The following BMP7 variants were observed in gnomAD, a reference collection of about 807,000 sequenced individuals.
BMP7 encodes osteogenic protein 1.
A neutral mutation model predicts 41.2 loss-of-function variants in BMP7; 12 were observed. The ratio of observed to expected loss-of-function variants is 0.29; its 90% confidence interval spans 0.19 to 0.47. BMP7 has a LOEUF of 0.47. BMP7 is among the 20% of genes least tolerant of loss of function. BMP7 has a pLI of 0.99. For synonymous variants in BMP7, 248 were observed against 250.0 expected (o/e 0.99, Z 0.07); for missense variants, 467 against 606.0 (o/e 0.77, Z 2.41).
At chr20:57,229,893 G>T (rs2066022329) in intron 1 of BMP7, among the ~76,000 whole-genome samples, 1 of 152,182 alleles carries the variant, frequency 6.6e-6, no homozygotes, top group African/African-American at 2.4e-5. Context: ...AAACAATCTG[G>T]TTTAAACCTT....
chr20:57,192,498 T>G (rs551935500), intron 3 of BMP7, among the ~76,000 whole-genome samples: 2 of 151,590 alleles, frequency 1.3e-5, no homozygotes, highest in African/African-American at 4.8e-5. Flanking sequence ...TCAGATTTAG[T>G]CAGTGCGCGT....
intron 1 of BMP7, among the ~76,000 whole-genome samples, chr20:57,249,887 A>C (rs2066105313): frequency 6.6e-6 from 1 of 151,916 alleles, no homozygotes; most frequent in Non-Finnish European, 1.5e-5. Context: ...CCATGATCTC[A>C]CTCAATCCTA....
chr20:57,241,775 T>C (rs1342658597), intron 1 of BMP7, among the ~76,000 whole-genome samples: 1 of 152,182 alleles, frequency 6.6e-6, no homozygotes, highest in African/African-American at 2.4e-5. Context: ...AGGGAATGAT[T>C]GTACCACAAG....
intron 1 of BMP7, among the ~76,000 whole-genome samples, chr20:57,234,403 T>A (rs2066040188): frequency 6.6e-6 from 1 of 152,218 alleles, no homozygotes; most frequent in African/African-American, 2.4e-5. Flanking sequence ...CACGGAGGAC[T>A]GAGGTTGGAA....
At position 57,250,538 on chromosome 20, in the gene BMP7, C is replaced by CAA. The variant is rs57036984; in HGVS notation, c.418+15165_418+15166dup. Among the ~76,000 whole-genome samples, 176 of 89,464 alleles carry CAA rather than the reference C, an allele frequency of 2.0e-3. 3 individuals are homozygous for CAA. The highest frequency in any genetic ancestry group is 4.6e-3 in the African/African-American group (135 of 29,284). The allele number at this position is 89,464 out of a possible 152,430, so 58.7% of individuals were successfully genotyped here. ...AGAACCTGTCACCCTGACTCTGACT[C>CAA]AAAAAAAAAAAAAAAAAGGAGAAAT... On this transcript the variant is annotated intron_variant, in intron 1 of 6. Transcript: ENST00000395863.
At chr20:57,192,453 G>A (rs1427844369) in intron 3 of BMP7, among the ~76,000 whole-genome samples, 1 of 151,112 alleles carries the variant, frequency 6.6e-6, no homozygotes, top group African/African-American at 2.4e-5. Flanking sequence ...TATTTTGCAG[G>A]AGAACAATTC....
intron 3 of BMP7, among the ~76,000 whole-genome samples, chr20:57,198,563 A>G (rs949841595): frequency 6.6e-6 from 1 of 152,200 alleles, no homozygotes; most frequent in African/African-American, 2.4e-5. Flanking sequence ...GCTGGCCTGG[A>G]GCAGAGCCCC....
chr20:57,233,520 G>T (rs923346357), intron 1 of BMP7, among the ~76,000 whole-genome samples: 1 of 152,334 alleles, frequency 6.6e-6, no homozygotes, highest in Admixed American at 6.5e-5. Context: ...TAGAGGCCAG[G>T]TAGGAACAAG....
chr20:57,217,314 C>T (rs1225379123), intron 2 of BMP7, among the ~76,000 whole-genome samples: 3 of 152,138 alleles, frequency 2.0e-5, no homozygotes, highest in African/African-American at 7.2e-5. Context: ...ATCTTTAAAG[C>T]GCCCCTAACT....
At position 57,243,340 on chromosome 20, in the gene BMP7, G is replaced by A. The variant is rs887791729; in HGVS notation, c.419-14919C>T. ...CTAAAAATACAAAAATTAGCTAGGC[G>A]TGGTGGTGCATTCCTGTTCTCCCAG... On this transcript the variant is annotated intron_variant, in intron 1 of 6. Coordinates refer to ENST00000395863, the MANE Select transcript of BMP7 (RefSeq NM_001719.3). 3.3e-5 allele frequency among the ~76,000 whole-genome samples: 5 copies of A among 151,716 alleles called. No individual in the cohort carries two copies. The East Asian group carries it at 7.9e-4, about 24-fold the overall frequency.
At chr20:57,173,360 A>T (rs756397722) in intron 5 of BMP7, 50 bp from the exon 6 acceptor site, 2 of 1,560,516 alleles carry the variant, frequency 1.3e-6, no homozygotes, top group Non-Finnish European at 1.8e-6. Flanking sequence ...CCTGAGCCAC[A>T]GCATCCCAAC....
intron 1 of BMP7, among the ~76,000 whole-genome samples, chr20:57,248,272 C>A (rs916211125): frequency 1.3e-5 from 2 of 152,172 alleles, no homozygotes; most frequent in Middle Eastern, 3.2e-3. Flanking sequence ...AGAGAGAAAC[C>A]ATTTCAATCA....
At position 57,213,367 on chromosome 20, in the gene BMP7, T is replaced by G. The variant is rs982970920; in HGVS notation, c.612-10744A>C. ...CAAAAACTGCAACTTATTAATAGGA[T>G]AGCTAAGAGAGGAAAATGAGAGGAT... On this transcript the variant is annotated intron_variant, in intron 2 of 6. Transcript: ENST00000395863. This position sits in a 1 kb window ranked among gnomAD's most constrained non-coding sequence, Gnocchi z 4.4. Among the ~76,000 whole-genome samples the G allele has an allele frequency of 6.6e-6, 1 of 152,202 alleles. No homozygotes were observed. The highest frequency in any genetic ancestry group is 2.4e-5 in the African/African-American group (1 of 41,452).
chr20:57,241,224 C>T (rs1276715046), intron 1 of BMP7, among the ~76,000 whole-genome samples: 1 of 152,176 alleles, frequency 6.6e-6, no homozygotes, highest in Non-Finnish European at 1.5e-5. Context: ...GCTGTGGCAA[C>T]GATTCAATAA....
At chr20:57,220,456 C>T (rs376839661) in intron 2 of BMP7, among the ~76,000 whole-genome samples, 3 of 152,172 alleles carry the variant, frequency 2.0e-5, no homozygotes, top group South Asian at 2.1e-4. Context: ...GATCCTGATT[C>T]GAAACATAGA....
At chr20:57,173,140 T>A in intron 6 of BMP7, 60 bp downstream of exon 6, 2 of 1,522,486 alleles carry the variant, frequency 1.3e-6, no homozygotes, top group South Asian at 2.3e-5. Context: ...CAGCAGGATC[T>A]GGTGGCCCCG....
chr20:57,247,165 G>A (rs994896175), intron 1 of BMP7, among the ~76,000 whole-genome samples: 3 of 152,138 alleles, frequency 2.0e-5, no homozygotes, highest in African/African-American at 7.2e-5. Flanking sequence ...CTGTGTTGAT[G>A]CAGCCTGGTC....
chr20:57,187,879 C>T (rs116071519), intron 3 of BMP7, among the ~76,000 whole-genome samples: 62 of 152,278 alleles, frequency 4.1e-4, no homozygotes, highest in African/African-American at 1.4e-3. Flanking sequence ...TGGAACCTGA[C>T]GTGGAACAGG....
intron 1 of BMP7, among the ~76,000 whole-genome samples, chr20:57,241,607 G>A (rs1355584300): frequency 6.6e-6 from 1 of 152,216 alleles, no homozygotes; most frequent in Non-Finnish European, 1.5e-5. Context: ...GGCTCTCCAA[G>A]AGGGTCTTTG....
Sources: allele counts gnomAD v4.1 joint callset (sites outside exome capture counted in the v4.1 genomes callset), GRCh38; gene constraint gnomAD v4.1.1; non-coding constraint Gnocchi (gnomAD v3.1); transcripts MANE v1.5; gene names NCBI Gene and HGNC (gene_info 2026-07-23, HGNC 2026-07-21).